IMPG1: variants seen among roughly 807,000 people sequenced by gnomAD.
IMPG1 encodes the protein interphotoreceptor matrix proteoglycan 1, also known as interphotoreceptor matrix proteoglycan of 150 kDa.
Under a neutral mutation model 92.0 loss-of-function variants are expected in IMPG1, and 85 were observed. The observed-to-expected ratio is 0.92, with a 90% CI of 0.78 to 1.11. The LOEUF is 1.11. Among genes scored for constraint, IMPG1 ranks in the 50% least tolerant of loss-of-function variants. IMPG1 has a pLI of 0.00. For synonymous variants in IMPG1, 367 were observed against 334.1 expected (o/e 1.10, Z -1.08); for missense variants, 1,022 against 956.0 (o/e 1.07, Z -0.91).
intron 15 of IMPG1, among the ~76,000 whole-genome samples, chr6:75,926,999 T>C (rs1781564905): frequency 6.6e-6 from 1 of 152,220 alleles, no homozygotes; most frequent in South Asian, 2.1e-4. Flanking sequence ...TCAGGTAGAA[T>C]AACAAAAACG....
chr6:75,923,525 A>G (rs1325075420), intron 16 of IMPG1, 109 bp downstream of exon 16: 1 of 668,658 alleles, frequency 1.5e-6, no homozygotes, highest in Non-Finnish European at 2.6e-6. Context: ...ATTAAAAATA[A>G]AAAGTATCTT....
intron 1 of IMPG1, among the ~76,000 whole-genome samples, chr6:76,045,161 A>T (rs1168957329): frequency 6.6e-6 from 1 of 152,232 alleles, no homozygotes; most frequent in East Asian, 1.9e-4. Context: ...GAAATAAATT[A>T]TAAGGTCACC....
At chr6:75,996,595 G>A (rs1782907045) in intron 12 of IMPG1, among the ~76,000 whole-genome samples, 2 of 152,166 alleles carry the variant, frequency 1.3e-5, no homozygotes, top group African/African-American at 4.8e-5. Context: ...AAAAAGGGTG[G>A]TCATGAGGAG....
intron 6 of IMPG1, among the ~76,000 whole-genome samples, chr6:76,021,803 G>A (rs58779160): frequency 2.3e-3 from 17 of 7,480 alleles, no homozygotes; most frequent in South Asian, 3.8e-3. Context: ...ATATATATAT[G>A]GTTTTGTTAT....
intron 12 of IMPG1, among the ~76,000 whole-genome samples, chr6:75,988,384 A>AT (rs1196088884): frequency 2.6e-5 from 4 of 152,110 alleles, no homozygotes; most frequent in African/African-American, 7.2e-5. Context: ...GATGATGAGC[A>AT]TTTTTTCATG....
intron 12 of IMPG1, among the ~76,000 whole-genome samples, chr6:75,999,120 G>A (rs1782945413): frequency 6.6e-6 from 1 of 152,138 alleles, no homozygotes; most frequent in Non-Finnish European, 1.5e-5. Flanking sequence ...GCCTCCCAAA[G>A]TGCTGGGATT....
chr6:76,060,103 G>A (rs1784180139), intron 1 of IMPG1, among the ~76,000 whole-genome samples: 2 of 152,112 alleles, frequency 1.3e-5, no homozygotes, highest in African/African-American at 4.8e-5. Flanking sequence ...TTTTCCTGGG[G>A]GCAATTATGA....
At chr6:75,945,020 G>A (rs966998473) in intron 14 of IMPG1, among the ~76,000 whole-genome samples, 3 of 152,218 alleles carry the variant, frequency 2.0e-5, no homozygotes, top group Admixed American at 6.5e-5. Flanking sequence ...TCTGCTGGGA[G>A]TGAAACTGAC....
At chr6:76,011,270 G>T in intron 7 of IMPG1, 46 bp from the exon 8 acceptor site, 2 of 1,013,312 alleles carry the variant, frequency 2.0e-6, no homozygotes, top group Non-Finnish European at 3.1e-6. Flanking sequence ...GTTCTGCTGG[G>T]TCAGTTCTTG....
intron 5 of IMPG1, among the ~76,000 whole-genome samples, chr6:76,023,436 T>G (rs1783469304): frequency 6.6e-6 from 1 of 152,204 alleles, no homozygotes; most frequent in African/African-American, 2.4e-5. Flanking sequence ...ATCCTTCCAT[T>G]TTATTGCCTT....
chr6:75,967,468 T>C (rs1201131908), intron 12 of IMPG1, among the ~76,000 whole-genome samples: 1 of 152,034 alleles, frequency 6.6e-6, no homozygotes, highest in East Asian at 1.9e-4. Context: ...GAGGCGTGGG[T>C]CCTCAACAGA....
At chr6:76,037,909 T>A (rs1316849594) in intron 2 of IMPG1, among the ~76,000 whole-genome samples, 1 of 152,242 alleles carries the variant, frequency 6.6e-6, no homozygotes, top group Admixed American at 6.5e-5. Context: ...CAACCTTGAG[T>A]GTGTTGCTTT....
chr6:76,003,988 C>T, intron 10 of IMPG1, 38 bp from the exon 11 acceptor site: 1 of 1,515,530 alleles, frequency 6.6e-7, no homozygotes, highest in Non-Finnish European at 9.1e-7. Flanking sequence ...ATGTATCTTT[C>T]CTTTTTCTTT....
intron 1 of IMPG1, among the ~76,000 whole-genome samples, chr6:76,053,447 G>T (rs1784074804): frequency 6.6e-6 from 1 of 152,120 alleles, no homozygotes; most frequent in Admixed American, 6.6e-5. Flanking sequence ...CCCACTAAGA[G>T]CTTATAAAAC....
chr6:75,937,035 A>G (rs1405030172), intron 14 of IMPG1, among the ~76,000 whole-genome samples: 1 of 152,190 alleles, frequency 6.6e-6, no homozygotes, highest in Non-Finnish European at 1.5e-5. Flanking sequence ...AATGTCAAAC[A>G]GAAAATCTGC....
chr6:76,002,942 C>T lies in IMPG1; in HGVS notation c.1267G>A (p.Asp423Asn), dbSNP rs150541950. 3.1e-6 allele frequency: 5 copies of T among 1,613,492 alleles called. No homozygotes were observed. The African/African-American group carries it at 4.0e-5, about 13-fold the overall frequency. The change falls in exon 12 of 17, where the codon GAC (aspartate) becomes AAC (asparagine). Residue 423 changes from aspartate (D) to asparagine (N), a missense_variant. By Grantham distance (23) the Asp-to-Asn change is conservative. Coordinates refer to ENST00000369950, the MANE Select transcript of IMPG1 (RefSeq NM_001563.4). Reference sequence around the variant, plus strand: ...CCAGGTAGACCATGCTCTGCTCCGTCCACTGTCTCAAGCTGGGGTTCAACA... The same window carrying T: ...CCAGGTAGACCATGCTCTGCTCCGTTCACTGTCTCAAGCTGGGGTTCAACA... Reference protein sequence around the residue: ...PPVEPQLETVDGAEHGLPDTS... With the variant: ...PPVEPQLETVNGAEHGLPDTS...
intron 1 of IMPG1, among the ~76,000 whole-genome samples, chr6:76,043,786 T>G (rs1471312541): frequency 6.6e-6 from 1 of 152,204 alleles, no homozygotes; most frequent in African/African-American, 2.4e-5. Context: ...AGGGAATGCC[T>G]GGTGGAAATG....
intron 12 of IMPG1, among the ~76,000 whole-genome samples, chr6:75,978,872 G>A (rs1180830180): frequency 1.3e-5 from 2 of 152,000 alleles, no homozygotes; most frequent in Non-Finnish European, 1.5e-5. Flanking sequence ...TATTATCCCC[G>A]GTCTGCAGAT....
intron 12 of IMPG1, among the ~76,000 whole-genome samples, chr6:75,971,701 C>T (rs938873734): frequency 1.3e-5 from 2 of 152,172 alleles, no homozygotes; most frequent in Non-Finnish European, 2.9e-5. Flanking sequence ...TTATCTAGTG[C>T]ACCTTCCAGG....
Sources: gnomAD v4.1 joint callset for allele counts (sites outside exome capture counted in the v4.1 genomes callset) on GRCh38, gnomAD v4.1.1 for gene constraint, MANE v1.5 for transcripts, NCBI Gene and HGNC (gene_info 2026-07-23, HGNC 2026-07-21) for gene names.